Variants in KCNH7 observed in about 807,000 individuals in gnomAD.
KCNH7 encodes the protein voltage-gated inwardly rectifying potassium channel KCNH7.
In KCNH7, 49 loss-of-function variants were observed where a neutral mutation model predicts 120.8. The observed-to-expected ratio is 0.41, with a 90% confidence interval of 0.32 to 0.51. The LOEUF is 0.51. Among genes scored for constraint, KCNH7 ranks in the 20% least tolerant of loss-of-function variants. The probability of loss-of-function intolerance (pLI) is 0.38; values close to 1 mark genes in which losing one functional copy is unlikely to be tolerated. For missense variants in KCNH7, 1,097 were observed against 1,446.6 expected (o/e 0.76, Z 3.92); for synonymous variants, 547 against 516.1 (o/e 1.06, Z -0.81).
intron 7 of KCNH7, among the ~76,000 whole-genome samples, chr2:162,439,327 T>C (rs1022509014): frequency 6.6e-6 from 1 of 152,082 alleles, no homozygotes; most frequent in African/African-American, 2.4e-5. Flanking sequence ...GCTCACTAGA[T>C]GGCAAAATGT....
At chr2:162,515,645 T>C (rs2105780582) in intron 4 of KCNH7, among the ~76,000 whole-genome samples, 1 of 151,906 alleles carries the variant, frequency 6.6e-6, no homozygotes, top group South Asian at 2.1e-4. Flanking sequence ...GAATTTATTG[T>C]TGCTGTTTAG....
intron 2 of KCNH7, among the ~76,000 whole-genome samples, chr2:162,557,284 A>G (rs1397421303): frequency 6.6e-6 from 1 of 152,222 alleles, no homozygotes; most frequent in African/African-American, 2.4e-5. Context: ...TGAGCTTTTC[A>G]GAGAATGATG....
At chr2:162,401,658 G>A (rs994732249) in intron 9 of KCNH7, among the ~76,000 whole-genome samples, 1 of 151,886 alleles carries the variant, frequency 6.6e-6, no homozygotes, top group Non-Finnish European at 1.5e-5. Context: ...TGTAATGCAA[G>A]TGGTCAGACT....
intron 2 of KCNH7, among the ~76,000 whole-genome samples, chr2:162,620,898 A>T (rs1559048600): frequency 6.6e-6 from 1 of 152,164 alleles, no homozygotes; most frequent in Non-Finnish European, 1.5e-5. Flanking sequence ...AGATTATCCG[A>T]ACTGGGACAC....
Position 162,446,411 on chromosome 2 carries a change from T to C in KCNH7, c.1161A>G (p.Glu387=), listed in dbSNP as rs751845787. ...VLSLGADVLP[E]YKLQTPRINK... ...TGATGCGTGGTGTCTGCAGTTTGTATTCAGGTAGGACATCTGCTCCTAAAG... is the reference window on the plus strand; with the variant it reads ...TGATGCGTGGTGTCTGCAGTTTGTACTCAGGTAGGACATCTGCTCCTAAAG... Residue 387 remains glutamate, a synonymous_variant, in exon 7 of 16, where the codon GAA becomes GAG. Transcript: ENST00000332142. The C allele has an allele frequency of 1.2e-5, 19 of 1,612,836 alleles. No homozygotes were observed. In the South Asian group the frequency reaches 1.9e-4, roughly 16 times the overall value.
intron 2 of KCNH7, among the ~76,000 whole-genome samples, chr2:162,662,187 C>T (rs1277812327): frequency 6.6e-6 from 1 of 152,054 alleles, no homozygotes; most frequent in Non-Finnish European, 1.5e-5. Flanking sequence ...CGCTTGAACC[C>T]AGGAGGTGGA....
intron 2 of KCNH7, among the ~76,000 whole-genome samples, chr2:162,759,264 T>C (rs1429242770): frequency 6.6e-6 from 1 of 152,128 alleles, no homozygotes; most frequent in Non-Finnish European, 1.5e-5. Flanking sequence ...GATTGTCCTC[T>C]GTTAATGGTA....
intron 3 of KCNH7, among the ~76,000 whole-genome samples, chr2:162,532,891 C>T (rs984832181): frequency 4.0e-5 from 6 of 151,830 alleles, no homozygotes; most frequent in African/African-American, 1.4e-4. Context: ...TTATTTTAAA[C>T]TGACACACTG....
intron 2 of KCNH7, among the ~76,000 whole-genome samples, chr2:162,666,560 TTTTC>T (rs2105287730): frequency 6.6e-6 from 1 of 152,268 alleles, no homozygotes; most frequent in Admixed American, 6.5e-5. Flanking sequence ...GTGCTTTTTC[TTTTC>T]TTTTTCTCCC....
intron 6 of KCNH7, among the ~76,000 whole-genome samples, chr2:162,494,196 A>G (rs1297680136): frequency 6.6e-6 from 1 of 152,144 alleles, no homozygotes; most frequent in Admixed American, 6.5e-5. Flanking sequence ...CTCTTGAACA[A>G]GATTTTCATG....
intron 3 of KCNH7, among the ~76,000 whole-genome samples, chr2:162,522,138 CAAGT>C (rs1691552791): frequency 6.6e-6 from 1 of 152,012 alleles, no homozygotes; most frequent in African/African-American, 2.4e-5. Flanking sequence ...TTTATATGCT[CAAGT>C]AATTGCCAAG....
Position 162,435,353 on chromosome 2 carries a change from T to A in KCNH7, c.1799A>T (p.Asn600Ile), listed in dbSNP as rs760290677. 1 of 1,613,888 alleles carries A rather than the reference T, an allele frequency of 6.2e-7. No individual in the cohort carries two copies. Among genetic ancestry groups the A allele is most frequent in the East Asian group, 2.2e-5 (1 of 44,870 alleles). Residue 600 changes from asparagine (N) to isoleucine (I), a missense_variant, in exon 8 of 16, where the codon AAT becomes ATT. Transcript: ENST00000332142. ...SLGQQIGKRY[N>I]DSDSSSGPSI... ...TGGTCCAGAACTTGAGTCACTGTCA[T>A]TGTAACGTTTCCCAATTTGCTGTCC...
At chr2:162,741,432 T>C (rs1428343845) in intron 2 of KCNH7, among the ~76,000 whole-genome samples, 1 of 151,748 alleles carries the variant, frequency 6.6e-6, no homozygotes, top group Non-Finnish European at 1.5e-5. Flanking sequence ...AGTTGTCATG[T>C]ATATTTTACA....
At chr2:162,385,531 T>A (rs945201007) in intron 12 of KCNH7, among the ~76,000 whole-genome samples, 2 of 151,876 alleles carry the variant, frequency 1.3e-5, no homozygotes, top group African/African-American at 4.8e-5. Context: ...TAAGGTAGGT[T>A]TTACCTAATT....
chr2:162,591,658 T>C (rs11894500), intron 2 of KCNH7, among the ~76,000 whole-genome samples: 6,735 of 152,202 alleles, frequency 0.044, 311 homozygotes, highest in East Asian at 0.11. Flanking sequence ...TTTCATCATG[T>C]TACTATGTCA....
intron 6 of KCNH7, among the ~76,000 whole-genome samples, chr2:162,499,296 G>C (rs1001449438): frequency 6.6e-6 from 1 of 152,020 alleles, no homozygotes; most frequent in Admixed American, 6.6e-5. Context: ...GCAACTGCTT[G>C]GTAAAAGGAG....
chr2:162,459,812 G>A (rs940897659), intron 6 of KCNH7, among the ~76,000 whole-genome samples: 4 of 152,066 alleles, frequency 2.6e-5, no homozygotes, highest in East Asian at 3.9e-4. Flanking sequence ...GAAATGCAAA[G>A]AGGCCGGGCG....
chr2:162,800,757 G>A (rs909497711), intron 2 of KCNH7, among the ~76,000 whole-genome samples: 2 of 151,790 alleles, frequency 1.3e-5, no homozygotes, highest in African/African-American at 2.4e-5. Flanking sequence ...CATCAATGTC[G>A]ACCATGAATG....
intron 2 of KCNH7, among the ~76,000 whole-genome samples, chr2:162,676,868 C>T (rs1233443859): frequency 6.6e-6 from 1 of 151,388 alleles, no homozygotes; most frequent in African/African-American, 2.4e-5. Context: ...ATGCTTAATG[C>T]TTCCCTGGGA....
Sources: allele counts gnomAD v4.1 joint callset (sites outside exome capture counted in the v4.1 genomes callset), GRCh38; gene constraint gnomAD v4.1.1; transcripts MANE v1.5; gene names NCBI Gene and HGNC (gene_info 2026-07-23, HGNC 2026-07-21).